The following PCDH15 variants were observed in gnomAD, a reference collection of about 807,000 sequenced individuals.
The protein encoded by PCDH15 is protocadherin related 15, also known as protocadherin-15.
A neutral mutation model predicts 178.5 loss-of-function variants in PCDH15; 129 were observed. The observed-to-expected ratio is 0.72, with a 90% CI of 0.63 to 0.84. The LOEUF (loss-of-function observed/expected upper bound fraction) is 0.84. Ranked by LOEUF, PCDH15 falls within the 40% of genes least tolerant of loss-of-function variation. PCDH15 has a pLI of 0.00. For missense variants in PCDH15, 2,230 were observed against 2,099.9 expected, an observed-to-expected ratio of 1.06 and a Z score of -1.21; for synonymous variants, 800 against 732.0, an observed-to-expected ratio of 1.09 and a Z score of -1.50.
At chr10:54,546,377 G>C (rs866362807) in intron 2 of PCDH15, among the ~76,000 whole-genome samples, 4 of 152,070 alleles carry the variant, frequency 2.6e-5, no homozygotes, top group African/African-American at 9.7e-5. Context: ...TCTTAGTTTT[G>C]AGTGTGAATA....
chr10:54,087,923 C>G (rs957428806), intron 16 of PCDH15, among the ~76,000 whole-genome samples: 1 of 152,086 alleles, frequency 6.6e-6, no homozygotes, highest in African/African-American at 2.4e-5. Context: ...TGGCACTTCC[C>G]CTCCCTCTCT....
chr10:54,252,775 G>GTT (rs148840203), intron 8 of PCDH15, among the ~76,000 whole-genome samples: 11 of 151,194 alleles, frequency 7.3e-5, no homozygotes, highest in African/African-American at 2.2e-4. Context: ...CTTTTCTCAG[G>GTT]ATTTTTTTTT....
chr10:54,408,898 T>C (rs1013676554), intron 3 of PCDH15, among the ~76,000 whole-genome samples: 2 of 152,106 alleles, frequency 1.3e-5, no homozygotes, highest in Non-Finnish European at 2.9e-5. Context: ...AAAGGCAGCA[T>C]TTCCTAGGTG....
At chr10:54,803,268 T>G (rs1035706032), upstream of PCDH15, among the ~76,000 whole-genome samples, 4 of 152,238 alleles carry the variant, frequency 2.6e-5, no homozygotes, top group East Asian at 7.7e-4. Context: ...AGGTTTAAAT[T>G]ATCATCTATG....
At chr10:55,038,566 A>G (rs1443314087) in intron 2 of PCDH15, among the ~76,000 whole-genome samples, 1 of 152,206 alleles carries the variant, frequency 6.6e-6, no homozygotes, top group Non-Finnish European at 1.5e-5. Context: ...GAGTCTGGTT[A>G]TATCAGGATT....
At chr10:55,221,719 C>T (rs1012938014) in intron 1 of PCDH15, among the ~76,000 whole-genome samples, 2 of 152,024 alleles carry the variant, frequency 1.3e-5, no homozygotes, top group Non-Finnish European at 2.9e-5. Context: ...CATGTATGCA[C>T]GTCCTCCATA....
chr10:54,675,925 A>G (rs1326736424), intron 1 of PCDH15, among the ~76,000 whole-genome samples: 1 of 152,184 alleles, frequency 6.6e-6, no homozygotes, highest in African/African-American at 2.4e-5. Context: ...ATTTACATTA[A>G]AGCTAATTTG....
intron 2 of PCDH15, among the ~76,000 whole-genome samples, chr10:55,536,626 C>T (rs538878765): frequency 6.6e-6 from 1 of 152,190 alleles, no homozygotes; most frequent in South Asian, 2.1e-4. Flanking sequence ...CCTCTCTCAC[C>T]TGGGGAGAGA....
intron 2 of PCDH15, among the ~76,000 whole-genome samples, chr10:55,574,084 T>G (rs992289373): frequency 5.9e-5 from 9 of 152,008 alleles, no homozygotes; most frequent in African/African-American, 2.2e-4. Context: ...AGCCAATATA[T>G]TCATCCAACA....
intron 18 of PCDH15, among the ~76,000 whole-genome samples, chr10:54,025,794 G>A (rs540543062): frequency 6.6e-6 from 1 of 152,066 alleles, no homozygotes. Flanking sequence ...ACTGCGCCTG[G>A]CCATTTCTTC....
At chr10:54,168,201 T>A (rs2046467068) in intron 13 of PCDH15, among the ~76,000 whole-genome samples, 1 of 152,144 alleles carries the variant, frequency 6.6e-6, no homozygotes, top group Non-Finnish European at 1.5e-5. Flanking sequence ...TTTTCCATCC[T>A]GCAAGATCTA....
chr10:54,335,692 G>A (rs1256812221), intron 6 of PCDH15, among the ~76,000 whole-genome samples: 1 of 152,038 alleles, frequency 6.6e-6, no homozygotes, highest in East Asian at 1.9e-4. Context: ...ACATGGAACT[G>A]AGTCCATTAA....
chr10:54,528,543 G>C, intron 2 of PCDH15: 1 of 594,806 alleles, frequency 1.7e-6, no homozygotes, highest in Non-Finnish European at 2.7e-6. Context: ...CTAATGATTT[G>C]TGGAAATAGA....
chr10:54,079,265 T>C (rs960890627), intron 17 of PCDH15, 66 bp downstream of exon 17: 11 of 1,393,082 alleles, frequency 7.9e-6, no homozygotes, highest in Admixed American at 1.7e-5. Flanking sequence ...CTGTGATACA[T>C]TGTTTAAGAC....
intron 1 of PCDH15, among the ~76,000 whole-genome samples, chr10:54,761,349 C>G (rs548082917): frequency 7.9e-5 from 12 of 152,228 alleles, no homozygotes; most frequent in South Asian, 4.1e-4. Context: ...ATGCTCAACT[C>G]TGAAGCTAGG....
chr10:54,205,144 T>A (rs1375963423), intron 10 of PCDH15, among the ~76,000 whole-genome samples: 1 of 152,058 alleles, frequency 6.6e-6, no homozygotes, highest in South Asian at 2.1e-4. Flanking sequence ...AACAGCCACA[T>A]CCCCTGGTCC....
intron 2 of PCDH15, among the ~76,000 whole-genome samples, chr10:55,327,913 T>C (rs908697530): frequency 2.0e-5 from 3 of 152,080 alleles, no homozygotes; most frequent in Admixed American, 2.0e-4. Flanking sequence ...TTCATGTTTA[T>C]TGGCTGTCAG....
intron 32 of PCDH15, chr10:53,822,823 C>T (rs1564537184): frequency 1.9e-6 from 3 of 1,613,952 alleles, no homozygotes; most frequent in Admixed American, 3.3e-5. Flanking sequence ...TCCTCTTTCT[C>T]TGTCAAATTT....
intron 2 of PCDH15, among the ~76,000 whole-genome samples, chr10:55,127,816 A>G (rs564214839): frequency 6.6e-6 from 1 of 152,168 alleles, no homozygotes; most frequent in East Asian, 1.9e-4. Flanking sequence ...TTAGGACCCT[A>G]ATCTTACATA....
Sources: gnomAD v4.1 joint callset for allele counts (sites outside exome capture counted in the v4.1 genomes callset) on GRCh38, gnomAD v4.1.1 for gene constraint, MANE v1.5 for transcripts, NCBI Gene and HGNC (gene_info 2026-07-23, HGNC 2026-07-21) for gene names.